Variants in PCDHGA8 observed in about 807,000 individuals in gnomAD.
PCDHGA8 encodes the protein protocadherin gamma-A8.
In PCDHGA8, 45 loss-of-function variants were observed where a neutral mutation model predicts 59.2. The ratio of observed to expected loss-of-function variants is 0.76; its 90% confidence interval spans 0.60 to 0.98. The LOEUF is 0.98. PCDHGA8 is among the 50% of genes least tolerant of loss of function. PCDHGA8 has a pLI of 0.00. For missense variants in PCDHGA8, 1,257 were observed against 1,196.2 expected (o/e 1.05, Z -0.75); for synonymous variants, 531 against 519.0 (o/e 1.02, Z -0.32).
chr5:141,507,251 A>G (rs958917337), intron 3 of PCDHGA8: 3 of 152,400 alleles, frequency 2.0e-5, no homozygotes, highest in Non-Finnish European at 4.4e-5. Context: ...TGAATGTCAG[A>G]TAAACAGCAA....
rs146734417 is a variant in PCDHGA8, at chr5:141,431,409, G to T, written c.2424+36172G>T. The T allele has an allele frequency of 1.9e-6, 3 of 1,613,722 alleles. No homozygotes were observed. Among genetic ancestry groups the T allele is most frequent in the Non-Finnish European group, 2.5e-6 (3 of 1,180,048 alleles). On this transcript the variant is annotated intron_variant, in intron 1 of 3. Transcript: ENST00000398604. This position sits in a 1 kb window ranked among gnomAD's most constrained non-coding sequence, Gnocchi z 4.8. Reference sequence around the variant, plus strand: ...CACCTGGTCCTTACGGCCTCCGACGGGGGCGACCCGGTGCGCACAGGCACC... The same window carrying T: ...CACCTGGTCCTTACGGCCTCCGACGTGGGCGACCCGGTGCGCACAGGCACC...
At position 141,422,850 on chromosome 5, in the gene PCDHGA8, G is replaced by A. The variant is rs184432819; in HGVS notation, c.2424+27613G>A. On this transcript the variant is annotated intron_variant, in intron 1 of 3. Transcript: ENST00000398604. Reference sequence around the variant, plus strand: ...TGATAGCACGTGACAGCGGGGACCCGCCCCTCAGCAGCAACGTGTCGCTGA... The same window carrying A: ...TGATAGCACGTGACAGCGGGGACCCACCCCTCAGCAGCAACGTGTCGCTGA... 154 of 1,614,204 alleles carry A rather than the reference G, an allele frequency of 9.5e-5. 1 individual carries two copies. The African/African-American group carries it at 1.3e-3, about 14-fold the overall frequency.
intron 1 of PCDHGA8, chr5:141,418,940 C>T (rs867717378): frequency 5.6e-6 from 9 of 1,614,010 alleles, no homozygotes; most frequent in Non-Finnish European, 7.6e-6. Flanking sequence ...GGAGGATTCC[C>T]CTCCAGGAGT....
chr5:141,419,884 C>A lies in PCDHGA8; in HGVS notation c.2424+24647C>A. 1 of 1,614,088 alleles carries A rather than the reference C, an allele frequency of 6.2e-7. No individual in the cohort carries two copies. The highest frequency in any genetic ancestry group is 8.5e-7 in the Non-Finnish European group (1 of 1,179,896). On this transcript the variant is annotated intron_variant, in intron 1 of 3. Transcript: ENST00000398604. ...GCTTGCAAGAGGTACTGCCGGATTT[C>A]AGCGACCATCCCACACCCTCTGACT... is the stretch of plus-strand genomic sequence containing the variant.
chr5:141,487,323 G>A lies in PCDHGA8; in HGVS notation c.2425-7484G>A, dbSNP rs374901235. Reference sequence around the variant, plus strand: ...GTGGCACTACTCTCTAAGTGTCTTCGTGGGGCAGCCTGTGGAGTCACATGC... The same window carrying A: ...GTGGCACTACTCTCTAAGTGTCTTCATGGGGCAGCCTGTGGAGTCACATGC... On this transcript the variant is annotated intron_variant, in intron 1 of 3. Coordinates refer to ENST00000398604, the MANE Select transcript of PCDHGA8 (RefSeq NM_032088.2). The surrounding 1 kb of genome is among the most constrained non-coding windows in gnomAD (Gnocchi z 5.0). 4.0e-5 allele frequency: 65 copies of A among 1,613,982 alleles called. No homozygotes were observed. Among genetic ancestry groups the A allele is most frequent in the Non-Finnish European group, 4.7e-5 (56 of 1,180,012 alleles).
chr5:141,476,509 C>G lies in PCDHGA8; in HGVS notation c.2425-18298C>G. 6.2e-7 allele frequency: 1 copy of G among 1,614,144 alleles called. No individual in the cohort carries two copies. Among genetic ancestry groups the G allele is most frequent in the Non-Finnish European group, 8.5e-7 (1 of 1,180,022 alleles). ...TGGTGATCCAGGACATCAACGACAACAATCCTGCTTTCCCTACCCAGGAAA... is the reference window on the plus strand; with the variant it reads ...TGGTGATCCAGGACATCAACGACAAGAATCCTGCTTTCCCTACCCAGGAAA... On this transcript the variant is annotated intron_variant, in intron 1 of 3. Transcript: ENST00000398604. This position sits in a 1 kb window ranked among gnomAD's most constrained non-coding sequence, Gnocchi z 7.6.
chr5:141,413,036 T>TGGGCTGCA, intron 1 of PCDHGA8: 1 of 805,900 alleles, frequency 1.2e-6, no homozygotes, highest in Non-Finnish European at 1.9e-6. Flanking sequence ...AACCGGCTGC[T>TGGGCTGCA]GGGCTGCAGG....
intron 1 of PCDHGA8, chr5:141,475,966 A>T (rs1252698069): frequency 2.3e-6 from 2 of 888,664 alleles, no homozygotes; most frequent in Admixed American, 5.2e-5. Flanking sequence ...GGGATGAGGC[A>T]GAGACTGAAC....
At chr5:141,420,284 TA>T in intron 1 of PCDHGA8, 2 of 1,505,934 alleles carry the variant, frequency 1.3e-6, no homozygotes, top group East Asian at 2.3e-5. Context: ...GGTAAGTATT[TA>T]AAAATGTATT....
At position 141,494,841 on chromosome 5, in the gene PCDHGA8, A is replaced by G. The variant is rs1163193977; in HGVS notation, c.2459A>G (p.Gln820Arg). ...APPNTDWRFS[Q>R]AQRPGTSGSQ... ...CCCAACACGGACTGGCGTTTCTCTC[A>G]GGCCCAGAGACCCGGCACCAGCGGG... The change falls in exon 2 of 4, where the codon CAG (glutamine) becomes CGG (arginine). Residue 820 changes from glutamine to arginine, a missense_variant. Gln to Arg is a conservative substitution (Grantham distance 43). Coordinates refer to ENST00000398604, the MANE Select transcript of PCDHGA8 (RefSeq NM_032088.2). 1 of 1,613,996 alleles carries G rather than the reference A, an allele frequency of 6.2e-7. No homozygotes were observed. The highest frequency in any genetic ancestry group is 1.1e-5 in the South Asian group (1 of 91,074).
chr5:141,476,187 G>T lies in PCDHGA8; in HGVS notation c.2425-18620G>T. 1 of 1,613,782 alleles carries T rather than the reference G, an allele frequency of 6.2e-7. No individual in the cohort carries two copies. The highest frequency in any genetic ancestry group is 8.5e-7 in the Non-Finnish European group (1 of 1,180,028). ...GTAGTGGGAGTTTTGCTTCTGCTTG[G>T]TGCCTTGAACAAGGCTTCCACGGTC... On this transcript the variant is annotated intron_variant, in intron 1 of 3. Transcript: ENST00000398604. This position sits in a 1 kb window ranked among gnomAD's most constrained non-coding sequence, Gnocchi z 7.6.
At chr5:141,418,149 AAG>A (rs768024698) in intron 1 of PCDHGA8, 1 of 1,613,982 alleles carries the variant, frequency 6.2e-7, no homozygotes, top group Non-Finnish European at 8.5e-7. Flanking sequence ...CAAATATGCA[AAG>A]AGAGAAGAAG....
intron 1 of PCDHGA8, among the ~76,000 whole-genome samples, chr5:141,454,357 TAGAA>T (rs758087339): frequency 3.5e-4 from 54 of 152,354 alleles, no homozygotes; most frequent in Non-Finnish European, 6.3e-4. Context: ...GATCCAAACT[TAGAA>T]AGGAGTATGG....
intron 1 of PCDHGA8, among the ~76,000 whole-genome samples, chr5:141,482,843 G>A (rs1005014887): frequency 7.1e-6 from 1 of 140,154 alleles, no homozygotes; most frequent in Non-Finnish European, 1.5e-5. Flanking sequence ...AGGCCAAGGT[G>A]GGCAGATCAC....
At chr5:141,430,392 A>G (rs2097281137) in intron 1 of PCDHGA8, among the ~76,000 whole-genome samples, 1 of 152,136 alleles carries the variant, frequency 6.6e-6, no homozygotes, top group Non-Finnish European at 1.5e-5. Context: ...GGAAAAAAAA[A>G]AAAAGCTCAC....
intron 2 of PCDHGA8, 102 bp from the exon 3 acceptor site, chr5:141,505,291 G>A (rs2154593677): frequency 1.3e-6 from 2 of 1,565,092 alleles, no homozygotes; most frequent in Non-Finnish European, 1.7e-6. Context: ...TGGGCATGGG[G>A]TAGGGTTAGG....
intron 1 of PCDHGA8, chr5:141,413,625 C>T (rs372855865): frequency 1.2e-6 from 2 of 1,613,854 alleles, no homozygotes; most frequent in Admixed American, 3.3e-5. Context: ...ATGAAAATGT[C>T]GCTGCGGGAA....
rs754225999 is a variant in PCDHGA8, at chr5:141,489,509, T to C, written c.2425-5298T>C. The C allele has an allele frequency of 1.2e-6, 2 of 1,614,062 alleles. No homozygotes were observed. The highest frequency in any genetic ancestry group is 1.1e-5 in the South Asian group (1 of 91,074). On this transcript the variant is annotated intron_variant, in intron 1 of 3. Coordinates refer to ENST00000398604, the MANE Select transcript of PCDHGA8 (RefSeq NM_032088.2). The surrounding 1 kb of genome is among the most constrained non-coding windows in gnomAD (Gnocchi z 4.5). ...GGTGCCCTGGCAGTGAATCAAAAGA[T>C]TGACCGAGAAAGCCTATGTGGAGCC...
intron 1 of PCDHGA8, among the ~76,000 whole-genome samples, chr5:141,460,983 G>GTGTGTGTA (rs1554142949): frequency 2.2e-5 from 3 of 137,844 alleles, no homozygotes; most frequent in African/African-American, 7.7e-5. Flanking sequence ...GTGTGTGTGT[G>GTGTGTGTA]TATATATATA....
Sources: gnomAD v4.1 joint callset for allele counts (sites outside exome capture counted in the v4.1 genomes callset) on GRCh38, gnomAD v4.1.1 for gene constraint, Gnocchi (gnomAD v3.1) non-coding constraint, MANE v1.5 for transcripts, NCBI Gene and HGNC (gene_info 2026-07-23, HGNC 2026-07-21) for gene names.